Variants in DERL2 observed in about 807,000 individuals in gnomAD.
DERL2 encodes derlin 2.
In DERL2, 13 loss-of-function variants were observed where a neutral mutation model predicts 32.0. The observed-to-expected ratio is 0.41, with a 90% CI of 0.26 to 0.65. The LOEUF is 0.65. DERL2 is among the 30% of genes least tolerant of loss of function. The probability of loss-of-function intolerance (pLI) is 0.35; values close to 1 mark genes in which losing one functional copy is unlikely to be tolerated. For missense variants in DERL2, 208 were observed against 296.3 expected (o/e 0.70, Z 2.19); for synonymous variants, 111 against 104.7 (o/e 1.06, Z -0.37).
intron 6 of DERL2, among the ~76,000 whole-genome samples, chr17:5,477,597 G>C (rs1905477089): frequency 6.6e-6 from 1 of 152,154 alleles, no homozygotes; most frequent in African/African-American, 2.4e-5. Context: ...GTAGGGATAG[G>C]TGTGCAATAA....
intron 6 of DERL2, among the ~76,000 whole-genome samples, chr17:5,476,023 T>C (rs1905361214): frequency 6.6e-6 from 1 of 152,194 alleles, no homozygotes; most frequent in African/African-American, 2.4e-5. Context: ...TTAATGCCAC[T>C]GAACATTTAA....
chr17:5,486,791 C>G (rs531114906), upstream of DERL2: 1 of 152,524 alleles, frequency 6.6e-6, no homozygotes, highest in South Asian at 2.0e-4. Flanking sequence ...GGCCTCACCC[C>G]GGCCTCCGAC....
chr17:5,480,395 T>C lies in DERL2; in HGVS notation c.515A>G (p.Asp172Gly). 1 of 1,613,114 alleles carries C rather than the reference T, an allele frequency of 6.2e-7. No homozygotes were observed. Among genetic ancestry groups the C allele is most frequent in the Non-Finnish European group, 8.5e-7 (1 of 1,179,760 alleles). ...AGTGAGAAGAGCCTTACCCAAAAGG[T>C]CCACAATGATTGAGTTCCCCAACAA... ...SLLLGNSIIV[D>G]LLGIAVGHIY... The change falls in exon 5 of 7, where the codon GAC becomes GGC. Residue 172 changes from aspartate (D) to glycine (G), a missense_variant. Asp to Gly is a moderately conservative substitution (Grantham distance 94). Transcript: ENST00000158771.
rs1362716068 is a variant in DERL2 at position 5,481,889 on chromosome 17, C to A, written c.234-500G>T. On this transcript the variant is annotated intron_variant, in intron 3 of 6. Transcript: ENST00000158771. The surrounding 1 kb of genome is among the most constrained non-coding windows in gnomAD (Gnocchi z 4.4). ...GGTCTCAAACTCCTGACCTCGTGAT[C>A]CACTGCCTTGGCCTCCCCAAGTGCT... 6.6e-6 allele frequency among the ~76,000 whole-genome samples: 1 copy of A among 152,158 alleles called. No individual in the cohort carries two copies. Among genetic ancestry groups the A allele is most frequent in the African/African-American group, 2.4e-5 (1 of 41,424 alleles).
chr17:5,485,251 AG>A, intron 1 of DERL2, 35 bp from the exon 2 acceptor site: 2 of 1,484,720 alleles, frequency 1.3e-6, no homozygotes, highest in Non-Finnish European at 1.8e-6. Context: ...AAGCAAATCA[AG>A]AAACAAAATT....
At chr17:5,475,258 ATTT>A (rs542436073) in intron 6 of DERL2, among the ~76,000 whole-genome samples, 11 of 141,906 alleles carry the variant, frequency 7.8e-5, no homozygotes, top group Admixed American at 1.4e-4. Context: ...ATATAATAGA[ATTT>A]TTTTTTTTTT....
rs900807133 is a variant in DERL2, at chr17:5,471,688, C to T, written c.*2996G>A. On this transcript the variant is annotated 3_prime_UTR_variant, in exon 7 of 7. Transcript: ENST00000158771. ...TGAGCAGAGGAGTGACTTGATCATA[C>T]AAGATTCAACAATTTTATTGCAAAC... 1 of 152,138 alleles carries T rather than the reference C, an allele frequency of 6.6e-6. No homozygotes were observed. The highest frequency in any genetic ancestry group is 6.5e-5 in the Admixed American group (1 of 15,272). 9.4% of individuals were successfully genotyped at this position (152,138 alleles called of 1,614,324 possible).
Position 5,472,205 on chromosome 17 carries a change from G to A in DERL2, c.*2479C>T, listed in dbSNP as rs960771929. 1 of 152,182 alleles carries A rather than the reference G, an allele frequency of 6.6e-6. No homozygotes were observed. Among genetic ancestry groups the A allele is most frequent in the African/African-American group, 2.4e-5 (1 of 41,442 alleles). The allele number at this position is 152,182 out of a possible 1,614,324, so 9.4% of individuals were successfully genotyped here. On this transcript the variant is annotated 3_prime_UTR_variant, in exon 7 of 7. Transcript: ENST00000158771. Reference sequence around the variant, plus strand: ...ATGCTTTAGTCAAGTGTGCTTTTCAGTATCACTAGAAGAATCCAGGAATCC... The same window carrying A: ...ATGCTTTAGTCAAGTGTGCTTTTCAATATCACTAGAAGAATCCAGGAATCC...
At chr17:5,480,673 T>G in intron 4 of DERL2, 91 bp from the exon 5 acceptor site, 1 of 1,183,728 alleles carries the variant, frequency 8.4e-7, no homozygotes, top group Non-Finnish European at 1.1e-6. Context: ...TAACAGAAGT[T>G]TGAATTGGAA....
In DERL2 at chr17:5,474,679, C is replaced by T. The variant is rs774587285; in HGVS notation, c.*5G>A. On this transcript the variant is annotated 3_prime_UTR_variant, in exon 7 of 7. Coordinates refer to ENST00000158771, the MANE Select transcript of DERL2 (RefSeq NM_016041.5). The surrounding 1 kb of genome is among the most constrained non-coding windows in gnomAD (Gnocchi z 4.3). ...CAGCTGGGTCTCATTATTGGCACTG[C>T]TGCTTTAACCTCCAAGCCGCTGGCC... 3 of 1,607,378 alleles carry T rather than the reference C, an allele frequency of 1.9e-6. No individual in the cohort carries two copies. Among genetic ancestry groups the T allele is most frequent in the Admixed American group, 3.4e-5 (2 of 59,148 alleles).
intron 3 of DERL2, 86 bp downstream of exon 3, chr17:5,482,723 A>C (rs1304482058): frequency 2.6e-6 from 2 of 771,098 alleles, no homozygotes; most frequent in Admixed American, 2.9e-5. Flanking sequence ...TGGTACCAAA[A>C]ACAAGTAACA....
Position 5,476,298 on chromosome 17 carries a change from T to A in DERL2, c.615-1509A>T, listed in dbSNP as rs189630474. Among the ~76,000 whole-genome samples, 126 of 152,336 alleles carry A rather than the reference T, an allele frequency of 8.3e-4. No individual in the cohort carries two copies. In the Middle Eastern group the frequency reaches 0.01, roughly 12 times the overall value. On this transcript the variant is annotated intron_variant, in intron 6 of 6. Transcript: ENST00000158771. ...TAGAAATGTATCTGAAAACTTCTGA[T>A]TTATACTGGAGTCAGAAAATAGTAT...
intron 2 of DERL2, among the ~76,000 whole-genome samples, chr17:5,483,145 G>A (rs1037420898): frequency 2.0e-5 from 3 of 152,044 alleles, no homozygotes; most frequent in East Asian, 1.9e-4. Flanking sequence ...TGTGATCGTC[G>A]TATGGAGAAA....
chr17:5,474,833 C>A lies in DERL2; in HGVS notation c.615-44G>T. On this transcript the variant is annotated intron_variant, in intron 6 of 6. Coordinates refer to ENST00000158771, the MANE Select transcript of DERL2 (RefSeq NM_016041.5). This position sits in a 1 kb window ranked among gnomAD's most constrained non-coding sequence, Gnocchi z 4.3. Reference sequence around the variant, plus strand: ...ATATAATTTGGTCCCAGAGTCATCTCAGGTCCAAAGTACTACAAGGTCAGT... The same window carrying A: ...ATATAATTTGGTCCCAGAGTCATCTAAGGTCCAAAGTACTACAAGGTCAGT... The A allele has an allele frequency of 6.5e-7, 1 of 1,527,002 alleles. No homozygotes were observed. The highest frequency in any genetic ancestry group is 1.1e-5 in the South Asian group (1 of 87,628). The allele number at this position is 1,527,002 out of a possible 1,614,324, so 94.6% of individuals were successfully genotyped here. A position where few individuals can be genotyped will look rare whatever the true frequency, so the allele number is the denominator to read the frequency against.
chr17:5,482,819 T>C lies in DERL2; in HGVS notation c.223A>G (p.Met75Val), dbSNP rs774198760. The C allele has an allele frequency of 2.0e-6, 3 of 1,499,932 alleles. No individual in the cohort carries two copies. The highest frequency in any genetic ancestry group is 2.3e-5 in the East Asian group (1 of 43,852). The allele number at this position is 1,499,932 out of a possible 1,614,324, so 92.9% of individuals were successfully genotyped here. Residue 75 changes from methionine (M) to valine (V), a missense_variant, in exon 3 of 7, where the codon ATG becomes GTG. By Grantham distance (21) the Met-to-Val change is conservative (BLOSUM62 1). This residue lies in a region of DERL2 where 124 missense variants were observed against 215.3 expected (regional missense o/e 0.58). Coordinates refer to ENST00000158771, the MANE Select transcript of DERL2 (RefSeq NM_016041.5). ...GPVGFNFLFN[M>V]IFLYRYCRML... ...TTTAATAAAGGATACAGAAAAATCA[T>C]GTTAAATAAAAAATTGAATCCAACT...
At chr17:5,478,506 T>C (rs571935455) in intron 6 of DERL2, among the ~76,000 whole-genome samples, 18 of 152,318 alleles carry the variant, frequency 1.2e-4, no homozygotes, top group African/African-American at 4.3e-4. Context: ...GATTAGGATG[T>C]GGGGAAATGA....
At position 5,472,716 on chromosome 17, in the gene DERL2, C is replaced by T. The variant is rs1388803770; in HGVS notation, c.*1968G>A. The T allele has an allele frequency of 1.3e-5, 2 of 151,880 alleles. No individual in the cohort carries two copies. Among genetic ancestry groups the T allele is most frequent in the African/African-American group, 4.8e-5 (2 of 41,322 alleles). The allele number at this position is 151,880 out of a possible 1,614,324, so 9.4% of individuals were successfully genotyped here. On this transcript the variant is annotated 3_prime_UTR_variant, in exon 7 of 7. Coordinates refer to ENST00000158771, the MANE Select transcript of DERL2 (RefSeq NM_016041.5). ...CACAAAAATGCCATTCATTGCATAACTCCAACTCAGGGAGAACAAATAAAA... is the reference window on the plus strand; with the variant it reads ...CACAAAAATGCCATTCATTGCATAATTCCAACTCAGGGAGAACAAATAAAA...
chr17:5,482,873 A>C lies in DERL2; in HGVS notation c.169T>G (p.Leu57Val), dbSNP rs1349349771. The C allele has an allele frequency of 6.8e-7, 1 of 1,479,970 alleles. No homozygotes were observed. The highest frequency in any genetic ancestry group is 9.3e-7 in the Non-Finnish European group (1 of 1,080,776). 91.7% of individuals were successfully genotyped at this position (1,479,970 alleles called of 1,614,324 possible). A position where few individuals can be genotyped will look rare whatever the true frequency, so the allele number is the denominator to read the frequency against. The change falls in exon 3 of 7, where the codon TTA becomes GTA. Residue 57 changes from leucine (L) to valine (V), a missense_variant. Around this residue, in one of 3 missense-constraint regions of DERL2, gnomAD observed 124 missense variants for 215.3 expected, o/e 0.58. Coordinates refer to ENST00000158771, the MANE Select transcript of DERL2 (RefSeq NM_016041.5). ...LIFKHFQIWRLITNFLFFGPV... is the reference protein window; with the variant it reads ...LIFKHFQIWRVITNFLFFGPV... Reference sequence around the variant, plus strand: ...CCAAAAAATAAGAAGTTGGTGATTAATCTCCATATCTGTTAAAAAAAAATC... The same window carrying C: ...CCAAAAAATAAGAAGTTGGTGATTACTCTCCATATCTGTTAAAAAAAAATC...
At chr17:5,482,265 CA>C (rs1905837880) in intron 3 of DERL2, 1 of 153,756 alleles carries the variant, frequency 6.5e-6, no homozygotes, top group South Asian at 2.0e-4. Flanking sequence ...ATACAGAGGG[CA>C]GGGGTGGAAG....
Sources: gnomAD v4.1 joint callset for allele counts (sites outside exome capture counted in the v4.1 genomes callset) on GRCh38, gnomAD v4.1.1 for gene constraint, gnomAD v4.1.1 regional missense constraint, Gnocchi (gnomAD v3.1) non-coding constraint, MANE v1.5 for transcripts, NCBI Gene and HGNC (gene_info 2026-07-23, HGNC 2026-07-21) for gene names.